Variants in RIPOR2 observed in about 807,000 individuals in gnomAD.
RIPOR2 encodes RHO family interacting cell polarization regulator 2.
In RIPOR2, 39 loss-of-function variants were observed where a neutral mutation model predicts 114.5. The ratio of observed to expected loss-of-function variants is 0.34; its 90% confidence interval spans 0.26 to 0.44. The LOEUF is 0.44. Ranked by LOEUF, RIPOR2 falls within the 20% of genes least tolerant of loss-of-function variation. The pLI is 1.00. For missense variants in RIPOR2, 1,007 were observed against 1,255.1 expected (o/e 0.80, Z 2.99); for synonymous variants, 445 against 484.4 (o/e 0.92, Z 1.07).
At chr6:24,961,416 G>A (rs748516237) in intron 1 of RIPOR2, among the ~76,000 whole-genome samples, 3 of 152,122 alleles carry the variant, frequency 2.0e-5, no homozygotes, top group Non-Finnish European at 4.4e-5. Flanking sequence ...AAAGCCAGGG[G>A]TTGATGCATA....
intron 1 of RIPOR2, among the ~76,000 whole-genome samples, chr6:24,901,035 C>CA (rs1768391002): frequency 1.3e-5 from 2 of 152,242 alleles, no homozygotes; most frequent in South Asian, 4.1e-4. Flanking sequence ...CTCTTGTGCC[C>CA]AGGAAGGCCT....
At chr6:24,971,636 T>C (rs1472190959) in intron 1 of RIPOR2, among the ~76,000 whole-genome samples, 1 of 152,240 alleles carries the variant, frequency 6.6e-6, no homozygotes, top group Non-Finnish European at 1.5e-5. Context: ...TTTGATGACA[T>C]TGAGGAGGGT....
intron 7 of RIPOR2, among the ~76,000 whole-genome samples, chr6:24,863,163 GGCTA>G (rs1417109547): frequency 6.6e-6 from 1 of 151,992 alleles, no homozygotes; most frequent in Non-Finnish European, 1.5e-5. Flanking sequence ...ATGTTGGCTG[GGCTA>G]GTCTTGAACT....
chr6:24,938,494 G>A (rs1468678550), upstream of RIPOR2, among the ~76,000 whole-genome samples: 1 of 152,162 alleles, frequency 6.6e-6, no homozygotes, highest in Non-Finnish European at 1.5e-5. Context: ...TTCTCATTTG[G>A]CTTGTTTTGA....
chr6:25,008,924 G>A (rs899970042), intron 1 of RIPOR2, among the ~76,000 whole-genome samples: 36 of 152,228 alleles, frequency 2.4e-4, no homozygotes, highest in African/African-American at 8.7e-4. Context: ...TTGGTATATT[G>A]GGAAACTAAG....
At chr6:25,023,444 T>G (rs1462035161) in intron 1 of RIPOR2, 2 of 765,914 alleles carry the variant, frequency 2.6e-6, no homozygotes, top group Admixed American at 1.7e-5. Context: ...GACGGACACC[T>G]GCGCTTTCCC....
chr6:25,037,867 G>C lies in RIPOR2; in HGVS notation c.76+3984C>G, dbSNP rs1002626413. ...TTACAGGCATGCAGAGCTTATTAAG[G>C]ATTTGTTCTCACCTGGGGAGATTTG... On this transcript the variant is annotated intron_variant, in intron 1 of 13. Coordinates refer to the RIPOR2 transcript ENST00000510784. This position sits in a 1 kb window ranked among gnomAD's most constrained non-coding sequence, Gnocchi z 4.5. 4.6e-5 allele frequency among the ~76,000 whole-genome samples: 7 copies of C among 151,844 alleles called. No homozygotes were observed. Among genetic ancestry groups the C allele is most frequent in the African/African-American group, 1.7e-4 (7 of 41,384 alleles).
chr6:24,850,525 G>A (rs1232626858), intron 10 of RIPOR2, 72 bp downstream of exon 10: 11 of 1,570,122 alleles, frequency 7.0e-6, no homozygotes, highest in African/African-American at 1.3e-5. Flanking sequence ...CAGGGGTCAC[G>A]GGTAAGGGCC....
chr6:24,832,319 C>T lies in RIPOR2; in HGVS notation c.2281G>A (p.Val761Met). ...CTGACAGCTGCGAGTTTCTCCATCA[C>T]TTGGATCTGCCTAGAAAGCTTCTCT... is the stretch of plus-strand genomic sequence containing the variant. ...LLEKLSRQIQ[V>M]MEKLAAVSDE... Residue 761 changes from valine to methionine, a missense_variant, in exon 16 of 22, where the codon GTG becomes ATG. Physicochemically the swap from Val to Met is conservative, Grantham distance 21. Coordinates refer to ENST00000643898, the MANE Select transcript of RIPOR2 (RefSeq NM_001286445.3). 2 of 1,551,952 alleles carry T rather than the reference C, an allele frequency of 1.3e-6. No homozygotes were observed.
rs928942910 is a variant in RIPOR2 at position 24,832,348 on chromosome 6, A to C, written c.2252T>G (p.Leu751Arg). 1 of 1,552,082 alleles carries C rather than the reference A, an allele frequency of 6.4e-7. No homozygotes were observed. The highest frequency in any genetic ancestry group is 8.7e-7 in the Non-Finnish European group (1 of 1,147,016). The change falls in exon 16 of 22, where the codon CTC (leucine) becomes CGC (arginine). Residue 751 changes from leucine (L) to arginine (R), a missense_variant. Leu to Arg is a moderately radical substitution (Grantham distance 102, BLOSUM62 -2). Coordinates refer to ENST00000643898, the MANE Select transcript of RIPOR2 (RefSeq NM_001286445.3). ...GATCTGCCTAGAAAGCTTCTCTAAG[A>C]GACTTCTTGCCACAAATGGGGTTTT... ...SSKTPFVARSLLEKLSRQIQV... is the reference protein window; with the variant it reads ...SSKTPFVARSRLEKLSRQIQV...
At chr6:25,025,982 C>T (rs1484746588) in intron 1 of RIPOR2, among the ~76,000 whole-genome samples, 3 of 151,550 alleles carry the variant, frequency 2.0e-5, no homozygotes, top group African/African-American at 7.3e-5. Context: ...CCAAATTGTA[C>T]GTGTATTCAC....
At chr6:24,961,468 A>C (rs771156188) in intron 1 of RIPOR2, among the ~76,000 whole-genome samples, 8 of 152,190 alleles carry the variant, frequency 5.3e-5, no homozygotes, top group Non-Finnish European at 1.0e-4. Flanking sequence ...GAAGTCAAAC[A>C]TGTAGCCTGG....
chr6:24,877,058 T>C, intron 1 of RIPOR2: 1 of 985,146 alleles, frequency 1.0e-6, no homozygotes, highest in Non-Finnish European at 1.2e-6. Flanking sequence ...AGACAACAAA[T>C]CGGTATGTTT....
intron 1 of RIPOR2, among the ~76,000 whole-genome samples, chr6:25,005,868 T>C (rs1775543169): frequency 6.6e-6 from 1 of 151,506 alleles, no homozygotes; most frequent in South Asian, 2.1e-4. Flanking sequence ...CCTGCCATGG[T>C]GACTCACTAA....
At chr6:24,997,756 C>T (rs954841020) in intron 1 of RIPOR2, among the ~76,000 whole-genome samples, 8 of 152,212 alleles carry the variant, frequency 5.3e-5, no homozygotes, top group Non-Finnish European at 1.0e-4. Flanking sequence ...GCAAGACCCC[C>T]AGGTGATCTG....
intron 1 of RIPOR2, among the ~76,000 whole-genome samples, chr6:24,921,832 C>T (rs586953): frequency 0.55 from 83,397 of 150,806 alleles, 23,360 homozygotes; most frequent in African/African-American, 0.61. Flanking sequence ...TTCTTTCTTT[C>T]TTTTTTTTAA....
intron 1 of RIPOR2, among the ~76,000 whole-genome samples, chr6:24,962,463 A>C (rs1773349159): frequency 6.6e-6 from 1 of 152,202 alleles, no homozygotes; most frequent in Admixed American, 6.5e-5. Context: ...TTGGGAATGT[A>C]AACGGAGAGA....
At chr6:24,967,573 C>A (rs1044406777) in intron 1 of RIPOR2, among the ~76,000 whole-genome samples, 1 of 152,154 alleles carries the variant, frequency 6.6e-6, no homozygotes, top group Non-Finnish European at 1.5e-5. Flanking sequence ...GTGCATTTCC[C>A]ATATGACTGT....
chr6:24,935,317 CAACAAAAA>C (rs1771697465), intron 1 of RIPOR2, among the ~76,000 whole-genome samples: 4 of 79,736 alleles, frequency 5.0e-5, no homozygotes, highest in Admixed American at 1.2e-4. Flanking sequence ...CAAAAAACAA[CAACAAAAA>C]AAAAAAAAAA....
Sources: allele counts gnomAD v4.1 joint callset (sites outside exome capture counted in the v4.1 genomes callset), GRCh38; gene constraint gnomAD v4.1.1; non-coding constraint Gnocchi (gnomAD v3.1); transcripts MANE v1.5; gene names NCBI Gene and HGNC (gene_info 2026-07-23, HGNC 2026-07-21).